ZBTB4: variants seen among roughly 807,000 people sequenced by gnomAD.
ZBTB4 encodes zinc finger and BTB domain containing 4.
ZBTB4 carries 14 observed loss-of-function variants against 59.8 expected under a neutral mutation model. That is an observed-to-expected ratio of 0.23 (90% CI 0.15 to 0.37). The LOEUF is 0.37. ZBTB4 is among the 10% of genes least tolerant of loss of function. ZBTB4 has a pLI of 1.00. For missense variants in ZBTB4, 1,198 were observed against 1,380.8 expected (o/e 0.87, Z 2.10); for synonymous variants, 587 against 575.2 (o/e 1.02, Z -0.29).
In ZBTB4 at chr17:7,461,072, T is replaced by C. The variant is rs907424288; in HGVS notation, c.*868A>G. The stretch of plus-strand genomic sequence containing the variant: ...CATCCCATATGGAGTTCTTCCCTCC[T>C]GGCCCCCAAATCTGGTCTAGCCCAG... On this transcript the variant is annotated 3_prime_UTR_variant, in exon 4 of 4. Coordinates refer to ENST00000380599, the MANE Select transcript of ZBTB4 (RefSeq NM_001128833.2). 3 of 152,678 alleles carry C rather than the reference T, an allele frequency of 2.0e-5. No individual in the cohort carries two copies. The highest frequency in any genetic ancestry group is 1.3e-4 in the Admixed American group (2 of 15,288). The allele number at this position is 152,678 out of a possible 1,614,324, so 9.5% of individuals were successfully genotyped here.
chr17:7,478,138 C>G (rs2070294776), intron 1 of ZBTB4, among the ~76,000 whole-genome samples: 1 of 152,140 alleles, frequency 6.6e-6, no homozygotes, highest in Non-Finnish European at 1.5e-5. Context: ...CGCCACCTCC[C>G]TCCCCACATG....
At chr17:7,480,708 A>G (rs2070333656), upstream of ZBTB4, among the ~76,000 whole-genome samples, 1 of 152,020 alleles carries the variant, frequency 6.6e-6, no homozygotes, top group African/African-American at 2.4e-5. Flanking sequence ...CGACAGAGAC[A>G]GACTCCGTCT....
intron 1 of ZBTB4, among the ~76,000 whole-genome samples, chr17:7,476,584 C>T (rs751970639): frequency 3.5e-4 from 54 of 152,208 alleles, no homozygotes; most frequent in Non-Finnish European, 7.2e-4. Context: ...GCCAGAAATG[C>T]TCTTTCCCCA....
upstream of ZBTB4, among the ~76,000 whole-genome samples, chr17:7,480,551 C>T (rs2070331098): frequency 6.6e-6 from 1 of 151,976 alleles, no homozygotes; most frequent in South Asian, 2.1e-4. Flanking sequence ...AACCCTGTCT[C>T]TACTAAAAAT....
rs376883351 is a variant in ZBTB4, at chr17:7,466,802, G to A, written c.-1C>T. The A allele has an allele frequency of 1.2e-4, 194 of 1,557,132 alleles. No individual in the cohort carries two copies. Among genetic ancestry groups the A allele is most frequent in the Non-Finnish European group, 1.6e-4 (189 of 1,153,740 alleles). On this transcript the variant is annotated 5_prime_UTR_variant, in exon 3 of 4. Coordinates refer to ENST00000380599, the MANE Select transcript of ZBTB4 (RefSeq NM_001128833.2). This position sits in a 1 kb window ranked among gnomAD's most constrained non-coding sequence, Gnocchi z 9.1. ...CCGTCACCTCTGCAGGGGGGGGCAT[G>A]GTGCCAGCCTAGACAGTGGGAGAAG...
intron 1 of ZBTB4, among the ~76,000 whole-genome samples, chr17:7,475,233 C>T (rs927701052): frequency 1.3e-5 from 2 of 151,084 alleles, no homozygotes; most frequent in East Asian, 2.0e-4. Context: ...CCCAGCTACC[C>T]GGGAGGCTGA....
At position 7,462,391 on chromosome 17, in the gene ZBTB4, C is replaced by G. The variant is rs367663264; in HGVS notation, c.2591G>C (p.Gly864Ala). Reference sequence around the variant, plus strand: ...CACAGGTGGGTATACATAGCTGCCCCCGCTTGCCACTACTGGGGGCTCCTC... The same window carrying G: ...CACAGGTGGGTATACATAGCTGCCCGCGCTTGCCACTACTGGGGGCTCCTC... ...GGEEPPVVAS[G>A]GSYVYPPVQE... is the part of the protein sequence containing the mutation. Residue 864 changes from glycine (G) to alanine (A), a missense_variant, in exon 4 of 4, where the codon GGG becomes GCG. Transcript: ENST00000380599. This position sits in a 1 kb window ranked among gnomAD's most constrained non-coding sequence, Gnocchi z 7.5. 2 of 1,613,978 alleles carry G rather than the reference C, an allele frequency of 1.2e-6. No individual in the cohort carries two copies. Among genetic ancestry groups the G allele is most frequent in the Non-Finnish European group, 1.7e-6 (2 of 1,179,992 alleles).
chr17:7,480,183 T>C (rs1394238078), upstream of ZBTB4, among the ~76,000 whole-genome samples: 1 of 152,060 alleles, frequency 6.6e-6, no homozygotes, highest in Non-Finnish European at 1.5e-5. Context: ...AATGAACACA[T>C]GAAGCTGGCT....
chr17:7,472,848 T>C (rs1034154617), intron 1 of ZBTB4, among the ~76,000 whole-genome samples: 4 of 151,864 alleles, frequency 2.6e-5, no homozygotes, highest in East Asian at 1.9e-4. Flanking sequence ...CTCTCTATGT[T>C]GGCCAGGCTG....
intron 1 of ZBTB4, 81 bp from the exon 2 acceptor site, chr17:7,467,408 AG>A: frequency 3.1e-6 from 1 of 318,480 alleles, no homozygotes; most frequent in Non-Finnish European, 4.5e-6. Flanking sequence ...TGAGAGGAAA[AG>A]CCCCCAGGAA....
rs1433110865 is a variant in ZBTB4 at position 7,467,312 on chromosome 17, G to C, written c.-65C>G. On this transcript the variant is annotated 5_prime_UTR_variant, in exon 2 of 4. Coordinates refer to ENST00000380599, the MANE Select transcript of ZBTB4 (RefSeq NM_001128833.2). Reference sequence around the variant, plus strand: ...GGGGGTGGCTCAGCGAGTCCCTTCTGCTGGGCCTCTTCCTTCTGCGGAGAA... The same window carrying C: ...GGGGGTGGCTCAGCGAGTCCCTTCTCCTGGGCCTCTTCCTTCTGCGGAGAA... 8 of 931,060 alleles carry C rather than the reference G, an allele frequency of 8.6e-6. No homozygotes were observed. The highest frequency in any genetic ancestry group is 1.0e-5 in the Non-Finnish European group (8 of 779,684). The allele number at this position is 931,060 out of a possible 1,614,324, so 57.7% of individuals were successfully genotyped here.
chr17:7,462,590 G>A lies in ZBTB4; in HGVS notation c.2392C>T (p.Pro798Ser), dbSNP rs142195496. 7.3e-5 allele frequency: 118 copies of A among 1,612,440 alleles called. No homozygotes were observed. The highest frequency in any genetic ancestry group is 5.1e-4 in the South Asian group (46 of 90,928). Reference protein sequence around the residue: ...AAERPGGTPTPVIAYSKGSAG... With the variant: ...AAERPGGTPTSVIAYSKGSAG... ...CTGCCCTTGGAATAGGCAATGACAG[G>A]GGTTGGGGTGCCCCCGGGCCGCTCA... Residue 798 changes from proline (P) to serine (S), a missense_variant, in exon 4 of 4, where the codon CCT becomes TCT. Physicochemically the swap from Pro to Ser is moderately conservative, Grantham distance 74 (BLOSUM62 -1). Coordinates refer to ENST00000380599, the MANE Select transcript of ZBTB4 (RefSeq NM_001128833.2). This position sits in a 1 kb window ranked among gnomAD's most constrained non-coding sequence, Gnocchi z 7.5.
intron 1 of ZBTB4, among the ~76,000 whole-genome samples, chr17:7,478,506 G>A (rs1364054141): frequency 6.6e-6 from 1 of 152,042 alleles, no homozygotes; most frequent in South Asian, 2.1e-4. Context: ...GGACCCAGAC[G>A]TGACGCCTTC....
At chr17:7,474,231 T>TTTTTTTTTG (rs1159766505) in intron 1 of ZBTB4, among the ~76,000 whole-genome samples, 2 of 149,988 alleles carry the variant, frequency 1.3e-5, no homozygotes, top group African/African-American at 4.9e-5. Flanking sequence ...TTTTTTTTTT[T>TTTTTTTTTG]TTGACATGAG....
chr17:7,463,991 C>T, intron 3 of ZBTB4, 101 bp from the exon 4 acceptor site: 7 of 1,501,532 alleles, frequency 4.7e-6, no homozygotes, highest in Non-Finnish European at 6.2e-6. Flanking sequence ...AAACCTGTGA[C>T]TCCCGTAGCC....
intron 1 of ZBTB4, among the ~76,000 whole-genome samples, chr17:7,478,297 C>T (rs750373283): frequency 3.3e-5 from 5 of 152,188 alleles, no homozygotes; most frequent in Non-Finnish European, 5.9e-5. Flanking sequence ...CTGGCGCATT[C>T]CACCTCGAGC....
In ZBTB4 at chr17:7,461,389, G is replaced by T. The variant is rs1444719259; in HGVS notation, c.*551C>A. 1.3e-5 allele frequency: 2 copies of T among 152,852 alleles called. No individual in the cohort carries two copies. Among genetic ancestry groups the T allele is most frequent in the Non-Finnish European group, 2.9e-5 (2 of 68,208 alleles). 9.5% of individuals were successfully genotyped at this position (152,852 alleles called of 1,614,324 possible). A position where few individuals can be genotyped will look rare whatever the true frequency, so the allele number is the denominator to read the frequency against. On this transcript the variant is annotated 3_prime_UTR_variant, in exon 4 of 4. Transcript: ENST00000380599. ...GTCTTGATACAAGGGAAACAGGGAC[G>T]TAGAGACCCACGCTGGGGAAGGATG...
upstream of ZBTB4, chr17:7,483,072 G>A (rs1337373610): frequency 2.5e-6 from 4 of 1,599,910 alleles, no homozygotes; most frequent in African/African-American, 1.3e-5. Flanking sequence ...GACAAACATG[G>A]GAGGAGAAGT....
rs2070023882 is a variant in ZBTB4 at position 7,461,801 on chromosome 17, C to T, written c.*139G>A. 4.6e-6 allele frequency: 3 copies of T among 649,394 alleles called. No individual in the cohort carries two copies. The highest frequency in any genetic ancestry group is 4.2e-4 in the Middle Eastern group (1 of 2,406). 40.2% of individuals were successfully genotyped at this position (649,394 alleles called of 1,614,324 possible). A position where few individuals can be genotyped will look rare whatever the true frequency, so the allele number is the denominator to read the frequency against. On this transcript the variant is annotated 3_prime_UTR_variant, in exon 4 of 4. Transcript: ENST00000380599. ...CTACATCTCACACAAAGCAGCCTGA[C>T]CCCTGAGCTCCAGGGGCCCCCAAGT...
Sources: allele counts gnomAD v4.1 joint callset (sites outside exome capture counted in the v4.1 genomes callset), GRCh38; gene constraint gnomAD v4.1.1; non-coding constraint Gnocchi (gnomAD v3.1); transcripts MANE v1.5; gene names NCBI Gene and HGNC (gene_info 2026-07-23, HGNC 2026-07-21).